The following XIRP2 variants were observed in gnomAD, a reference collection of about 807,000 sequenced individuals.
XIRP2 encodes the protein xin actin-binding repeat-containing protein 2.
XIRP2 carries 236 observed loss-of-function variants against 277.0 expected under a neutral mutation model. The ratio of observed to expected loss-of-function variants is 0.85; its 90% CI spans 0.77 to 0.95. The LOEUF is 0.95. Among genes scored for constraint, XIRP2 ranks in the 40% least tolerant of loss-of-function variants. XIRP2 has a pLI of 0.00. For synonymous variants in XIRP2, 1,490 were observed against 1,416.5 expected (o/e 1.05, Z -1.17); for missense variants, 4,640 against 4,157.5 (o/e 1.12, Z -3.19).
intron 3 of XIRP2, among the ~76,000 whole-genome samples, chr2:167,191,010 C>T (rs1693313559): frequency 6.6e-6 from 1 of 151,752 alleles, no homozygotes; most frequent in Non-Finnish European, 1.5e-5. Context: ...GAGACCAACC[C>T]CATCTGGACA....
intron 2 of XIRP2, among the ~76,000 whole-genome samples, chr2:167,076,718 C>G (rs192440231): frequency 6.6e-6 from 1 of 152,230 alleles, no homozygotes; most frequent in East Asian, 1.9e-4. Context: ...GGAAGATCCC[C>G]TGTGTTCATA....
intron 2 of XIRP2, among the ~76,000 whole-genome samples, chr2:167,085,572 G>C: frequency 6.6e-6 from 1 of 152,124 alleles, no homozygotes; most frequent in Non-Finnish European, 1.5e-5. Flanking sequence ...TAATATGTGT[G>C]AGTCTAAGTC....
chr2:167,093,154 G>A (rs529720813), intron 2 of XIRP2, among the ~76,000 whole-genome samples: 8 of 151,754 alleles, frequency 5.3e-5, no homozygotes, highest in South Asian at 2.1e-4. Context: ...TAATAGATGC[G>A]TAATCAATGC....
chr2:167,228,769 T>C (rs1559030703), intron 5 of XIRP2, among the ~76,000 whole-genome samples: 1 of 152,180 alleles, frequency 6.6e-6, no homozygotes, highest in Non-Finnish European at 1.5e-5. Flanking sequence ...TCATTTTACT[T>C]ATTTTCCAAA....
At chr2:167,198,719 G>C (rs530598188) in intron 3 of XIRP2, among the ~76,000 whole-genome samples, 1 of 152,254 alleles carries the variant, frequency 6.6e-6, no homozygotes, top group Non-Finnish European at 1.5e-5. Flanking sequence ...TTTACTTCCA[G>C]AAGAGTAGGT....
intron 3 of XIRP2, among the ~76,000 whole-genome samples, chr2:167,183,418 T>A (rs139744613): frequency 6.6e-6 from 1 of 152,310 alleles, no homozygotes; most frequent in East Asian, 1.9e-4. Flanking sequence ...GAAAATCTAG[T>A]GAGTACTTAC....
At chr2:167,174,759 G>T (rs886070317) in intron 3 of XIRP2, among the ~76,000 whole-genome samples, 25 of 152,084 alleles carry the variant, frequency 1.6e-4, no homozygotes, top group African/African-American at 5.8e-4. Context: ...TTTTATCTGT[G>T]TCACAGAGAT....
intron 2 of XIRP2, among the ~76,000 whole-genome samples, chr2:167,008,085 G>A (rs575226129): frequency 1.3e-5 from 2 of 151,628 alleles, no homozygotes; most frequent in South Asian, 2.1e-4. Context: ...ATGAAGCCAG[G>A]AGCCATCCTT....
At chr2:167,087,081 CT>C (rs1192372920) in intron 2 of XIRP2, among the ~76,000 whole-genome samples, 4 of 151,644 alleles carry the variant, frequency 2.6e-5, no homozygotes, top group Admixed American at 2.6e-4. Context: ...GTTTTATCTA[CT>C]TTTGGTCTTT....
chr2:167,086,416 G>A (rs993213592), intron 2 of XIRP2, among the ~76,000 whole-genome samples: 1 of 152,000 alleles, frequency 6.6e-6, no homozygotes, highest in Non-Finnish European at 1.5e-5. Context: ...TGACAATTAT[G>A]TGTCTTGGAG....
At chr2:167,053,186 A>T (rs1688957594) in intron 2 of XIRP2, among the ~76,000 whole-genome samples, 1 of 152,192 alleles carries the variant, frequency 6.6e-6, no homozygotes, top group Admixed American at 6.5e-5. Context: ...CCAAATGTTT[A>T]TTATGTCTCC....
intron 3 of XIRP2, among the ~76,000 whole-genome samples, chr2:167,185,603 G>C (rs1363216937): frequency 6.6e-6 from 1 of 151,930 alleles, no homozygotes. Context: ...CCTTTAAAAA[G>C]AGTAAAATCA....
intron 1 of XIRP2, among the ~76,000 whole-genome samples, chr2:166,901,898 A>C (rs1032662139): frequency 6.6e-6 from 1 of 152,092 alleles, no homozygotes; most frequent in Non-Finnish European, 1.5e-5. Flanking sequence ...TCGTCTTCCA[A>C]GCACTCGCAT....
chr2:167,247,600 G>A lies in XIRP2; in HGVS notation c.6208G>A (p.Gly2070Arg), dbSNP rs1471599073. 1 of 1,613,662 alleles carries A rather than the reference G, an allele frequency of 6.2e-7. No individual in the cohort carries two copies. Among genetic ancestry groups the A allele is most frequent in the Non-Finnish European group, 8.5e-7 (1 of 1,179,734 alleles). ...DKTGVWTDTT[G>R]EQHLRDEYMS... The stretch of plus-strand genomic sequence containing the variant: ...AACGGGTGTCTGGACTGATACTACA[G>A]GAGAACAGCATCTTAGAGATGAATA... The change falls in exon 9 of 11, where the codon GGA becomes AGA. Residue 2070 changes from glycine to arginine, a missense_variant. Gly to Arg is a moderately radical substitution (Grantham distance 125). Coordinates refer to ENST00000409195, the MANE Select transcript of XIRP2 (RefSeq NM_152381.6).
chr2:166,919,829 C>T (rs1684989351), intron 2 of XIRP2, among the ~76,000 whole-genome samples: 1 of 152,012 alleles, frequency 6.6e-6, no homozygotes. Context: ...TGCATGGAAG[C>T]AGACACAGAC....
chr2:167,013,240 C>T (rs748217396), intron 2 of XIRP2, among the ~76,000 whole-genome samples: 47 of 151,332 alleles, frequency 3.1e-4, no homozygotes, highest in Non-Finnish European at 5.5e-4. Context: ...ATATCAGATG[C>T]TCCTTGATGT....
intron 2 of XIRP2, among the ~76,000 whole-genome samples, chr2:166,927,958 T>G (rs1051325519): frequency 3.3e-5 from 5 of 152,138 alleles, no homozygotes; most frequent in Admixed American, 6.6e-5. Flanking sequence ...TAAAGAATGT[T>G]AAAGAAAGGC....
chr2:167,021,181 G>T (rs2105484825), intron 2 of XIRP2, among the ~76,000 whole-genome samples: 1 of 152,128 alleles, frequency 6.6e-6, no homozygotes, highest in African/African-American at 2.4e-5. Flanking sequence ...TTCTAGAAAA[G>T]CTGTGCTTTC....
intron 5 of XIRP2, among the ~76,000 whole-genome samples, chr2:167,231,310 T>C (rs1694744394): frequency 6.6e-6 from 1 of 151,996 alleles, no homozygotes. Flanking sequence ...AGCAACTCTT[T>C]ATGATACCCT....
Sources: gnomAD v4.1 joint callset for allele counts (sites outside exome capture counted in the v4.1 genomes callset) on GRCh38, gnomAD v4.1.1 for gene constraint, MANE v1.5 for transcripts, NCBI Gene and HGNC (gene_info 2026-07-23, HGNC 2026-07-21) for gene names.